Variants in ABCA1 observed in about 807,000 individuals in gnomAD.
ABCA1 encodes ATP binding cassette subfamily A member 1, also known as phospholipid-transporting ATPase ABCA1.
Under a neutral mutation model 262.5 loss-of-function variants are expected in ABCA1, and 133 were observed. The observed-to-expected ratio is 0.51, with a 90% CI of 0.44 to 0.59. The LOEUF (loss-of-function observed/expected upper bound fraction) is 0.59. Among genes scored for constraint, ABCA1 ranks in the 20% least tolerant of loss-of-function variants. The pLI is 0.00. For synonymous variants in ABCA1, 1,022 were observed against 1,043.5 expected (o/e 0.98, Z 0.40); for missense variants, 2,452 against 2,777.5 (o/e 0.88, Z 2.63).
At chr9:104,851,903 T>C (rs1362967759) in intron 7 of ABCA1, among the ~76,000 whole-genome samples, 1 of 152,220 alleles carries the variant, frequency 6.6e-6, no homozygotes, top group Non-Finnish European at 1.5e-5. Flanking sequence ...CACAGCCAAA[T>C]AGAAGTAGAA....
At chr9:104,864,821 A>G (rs1327004596) in intron 5 of ABCA1, among the ~76,000 whole-genome samples, 1 of 152,102 alleles carries the variant, frequency 6.6e-6, no homozygotes, top group Admixed American at 6.5e-5. Context: ...CAGACCAGTG[A>G]GTGTGCTCAG....
At chr9:104,831,898 C>T (rs994581604) in intron 12 of ABCA1, 71 bp from the exon 13 acceptor site, 11 of 1,384,310 alleles carry the variant, frequency 7.9e-6, no homozygotes, top group Non-Finnish European at 1.0e-5. Context: ...ACAAATCCTA[C>T]ACTAGGAGGC....
intron 4 of ABCA1, among the ~76,000 whole-genome samples, chr9:104,883,884 C>T (rs1588500367): frequency 6.6e-6 from 1 of 152,236 alleles, no homozygotes; most frequent in East Asian, 1.9e-4. Flanking sequence ...GGCACTGAAG[C>T]CAGGAGCCAG....
chr9:104,880,314 G>A (rs1339389152), intron 5 of ABCA1, among the ~76,000 whole-genome samples: 2 of 152,016 alleles, frequency 1.3e-5, no homozygotes, highest in African/African-American at 4.8e-5. Flanking sequence ...GCTTCTCTCC[G>A]AAATTGACAA....
chr9:104,908,554 C>A (rs980827079), intron 1 of ABCA1, among the ~76,000 whole-genome samples: 1 of 152,196 alleles, frequency 6.6e-6, no homozygotes, highest in Admixed American at 6.5e-5. Context: ...GTAATCCCAG[C>A]TACTCAGGAG....
intron 30 of ABCA1, 94 bp downstream of exon 30, chr9:104,809,372 C>T (rs970167432): frequency 9.2e-6 from 11 of 1,199,496 alleles, no homozygotes; most frequent in Non-Finnish European, 1.2e-5. Context: ...TGCTGGCGGT[C>T]ACAATGTGGC....
intron 9 of ABCA1, among the ~76,000 whole-genome samples, chr9:104,837,791 A>G (rs1051563872): frequency 6.6e-6 from 1 of 152,240 alleles, no homozygotes; most frequent in African/African-American, 2.4e-5. Flanking sequence ...TTAAACTGAG[A>G]TATCTATAAA....
Position 104,861,633 on chromosome 9 carries a change from G to C in ABCA1, c.543+46C>G, listed in dbSNP as rs369127011. 3.1e-6 allele frequency: 5 copies of C among 1,612,904 alleles called. No individual in the cohort carries two copies. The South Asian group carries it at 5.5e-5, about 18-fold the overall frequency. ...CATTTCTTTCCAGTAGCTGCACAACGTAATTGCCATCAGCCCTACTGAGGA... is the reference window on the plus strand; with the variant it reads ...CATTTCTTTCCAGTAGCTGCACAACCTAATTGCCATCAGCCCTACTGAGGA... On this transcript the variant is annotated intron_variant, in intron 6 of 49. Coordinates refer to ENST00000374736, the MANE Select transcript of ABCA1 (RefSeq NM_005502.4).
chr9:104,803,249 C>G lies in ABCA1; in HGVS notation c.4592+35G>C, dbSNP rs1169568206. On this transcript the variant is annotated intron_variant, in intron 33 of 49. Coordinates refer to ENST00000374736, the MANE Select transcript of ABCA1 (RefSeq NM_005502.4). ...AAGACACCTACAACACCATCCTCCC[C>G]CTGAGCTAAACGTGCCAGAAAGACA... 1.2e-5 allele frequency: 19 copies of G among 1,611,970 alleles called. No homozygotes were observed. The South Asian group carries it at 1.9e-4, about 16-fold the overall frequency.
intron 40 of ABCA1, 49 bp downstream of exon 40, chr9:104,794,338 G>A (rs1829683428): frequency 6.2e-7 from 1 of 1,613,226 alleles, no homozygotes. Flanking sequence ...CAAGGCCTAT[G>A]CAGAGTGCCA....
In ABCA1 at chr9:104,819,618, C is replaced by G. The variant is rs1453818834; in HGVS notation, c.3209G>C (p.Gly1070Ala). 5 of 1,614,058 alleles carry G rather than the reference C, an allele frequency of 3.1e-6. No homozygotes were observed. In the African/African-American group the frequency reaches 4.0e-5, roughly 13 times the overall value. Residue 1070 changes from glycine (G) to alanine (A), a missense_variant, in exon 22 of 50, where the codon GGA becomes GCA. By Grantham distance (60) the Gly-to-Ala change is moderately conservative. Transcript: ENST00000374736. ...TAGVDPYSRR[G>A]IWELLLKYRQ... ...GTATTTCAGCAGCAGCTCCCATATT[C>G]CCCTGCGGGAGTAAGGGTCCACACC...
intron 8 of ABCA1, among the ~76,000 whole-genome samples, chr9:104,843,873 T>C (rs2119046313): frequency 6.6e-6 from 1 of 152,270 alleles, no homozygotes; most frequent in South Asian, 2.1e-4. Flanking sequence ...GGTGTTCTAT[T>C]GAAAGAGGCA....
At chr9:104,891,966 TAAAAAAAAA>T (rs570923490) in intron 2 of ABCA1, among the ~76,000 whole-genome samples, 4 of 59,214 alleles carry the variant, frequency 6.8e-5, no homozygotes, top group South Asian at 7.1e-4. Flanking sequence ...CTCTGTCTCT[TAAAAAAAAA>T]AAAAAAAAAA....
In ABCA1 at chr9:104,840,325, G is replaced by C. The variant is rs757766905; in HGVS notation, c.1008C>G (p.Gly336=). 3.1e-6 allele frequency: 5 copies of C among 1,614,084 alleles called. No individual in the cohort carries two copies. The Admixed American group carries it at 6.7e-5, about 22-fold the overall frequency. The change falls in exon 9 of 50, where the codon GGC becomes GGG. Residue 336 remains glycine (G), a synonymous_variant. Transcript: ENST00000374736. ...EDNNYKALFG[G]NGTEEDAETF... is the part of the protein sequence containing the mutation. ...TTTCAGCATCTTCCTCAGTGCCATT[G>C]CCTCCAAAGAGGGCTTTGTAGTTGT... is the stretch of plus-strand genomic sequence containing the variant.
rs951476676 is a variant in ABCA1, at chr9:104,785,436, T to C, written c.6605A>G (p.His2202Arg). 1.9e-6 allele frequency: 3 copies of C among 1,614,088 alleles called. No homozygotes were observed. The highest frequency in any genetic ancestry group is 1.3e-5 in the African/African-American group (1 of 75,036). ...CTGAGAAACAGAGTAGTCTTCTATG[T>C]GGAGTCGCTTTTTGCTCTGGGAGAG... ...SILSQSKKRL[H>R]IEDYSVSQTT... Residue 2202 changes from histidine to arginine, a missense_variant, in exon 49 of 50, where the codon CAC (histidine) becomes CGC (arginine). By Grantham distance (29) the His-to-Arg change is conservative. Transcript: ENST00000374736.
Position 104,822,136 on chromosome 9 carries a change from C to T in ABCA1, c.2828+360G>A, listed in dbSNP as rs144303660. Among the ~76,000 whole-genome samples, 35 of 152,124 alleles carry T rather than the reference C, an allele frequency of 2.3e-4. 1 individual carries two copies. The highest frequency in any genetic ancestry group is 7.0e-4 in the African/African-American group (29 of 41,428). On this transcript the variant is annotated intron_variant, in intron 19 of 49. Transcript: ENST00000374736. ...TCAAGCCAGCTGCCCAGCTTGATTG[C>T]GTCTCACAGGTGCTTCTCACATCTG... is the stretch of plus-strand genomic sequence containing the variant.
intron 5 of ABCA1, among the ~76,000 whole-genome samples, chr9:104,875,460 A>T (rs2119151173): frequency 6.6e-6 from 1 of 152,004 alleles, no homozygotes; most frequent in African/African-American, 2.4e-5. Context: ...CTGAAGGGAG[A>T]GAGAAACTCC....
intron 18 of ABCA1, among the ~76,000 whole-genome samples, chr9:104,823,617 G>A (rs1319610579): frequency 3.3e-5 from 5 of 152,232 alleles, no homozygotes; most frequent in African/African-American, 4.8e-5. Flanking sequence ...GAGGGGATCC[G>A]GAACTAGATC....
chr9:104,799,850 G>A lies in ABCA1; in HGVS notation c.4912C>T (p.Leu1638Phe). Reference sequence around the variant, plus strand: ...ACCTCTGAGAGCTGCTGCTTGGTGAGATTCAGGGGATGATTGAAAGCAGTA... The same window carrying A: ...ACCTCTGAGAGCTGCTGCTTGGTGAAATTCAGGGGATGATTGAAAGCAGTA... ...GITAFNHPLNLTKQQLSEVAL... is the reference protein window; with the variant it reads ...GITAFNHPLNFTKQQLSEVAL... Residue 1638 changes from leucine (L) to phenylalanine (F), a missense_variant, in exon 36 of 50, where the codon CTC (leucine) becomes TTC (phenylalanine). By Grantham distance (22) the Leu-to-Phe change is conservative (BLOSUM62 0). This residue lies in a region of ABCA1 where 752 missense variants were observed against 944.5 expected (regional missense o/e 0.80). Coordinates refer to ENST00000374736, the MANE Select transcript of ABCA1 (RefSeq NM_005502.4). The A allele has an allele frequency of 6.2e-7, 1 of 1,614,214 alleles. No homozygotes were observed. The highest frequency in any genetic ancestry group is 8.5e-7 in the Non-Finnish European group (1 of 1,180,052).
Sources: allele counts gnomAD v4.1 joint callset (sites outside exome capture counted in the v4.1 genomes callset), GRCh38; gene constraint gnomAD v4.1.1; regional missense constraint gnomAD v4.1.1; transcripts MANE v1.5; gene names NCBI Gene and HGNC (gene_info 2026-07-23, HGNC 2026-07-21).